PIK3R3: variants seen among roughly 807,000 people sequenced by gnomAD.
PIK3R3 encodes phosphoinositide-3-kinase regulatory subunit 3.
A neutral mutation model predicts 62.9 loss-of-function variants in PIK3R3; 64 were observed. The observed-to-expected ratio is 1.02, with a 90% confidence interval of 0.83 to 1.25. The LOEUF is 1.25. Among genes scored for constraint, PIK3R3 ranks in the 50% most tolerant of loss-of-function variants. The probability of loss-of-function intolerance (pLI) is 0.00; values close to 1 mark genes in which losing one functional copy is unlikely to be tolerated. For synonymous variants in PIK3R3, 165 were observed against 189.0 expected (o/e 0.87, Z 1.04); for missense variants, 614 against 561.6 (o/e 1.09, Z -0.94).
intron 1 of PIK3R3, among the ~76,000 whole-genome samples, chr1:46,126,173 G>A (rs1655079302): frequency 6.6e-6 from 1 of 151,988 alleles, no homozygotes; most frequent in Admixed American, 6.6e-5. Context: ...AACTGTACAG[G>A]GGTGTTTTCC....
At chr1:46,099,711 C>T (rs747862437) in intron 1 of PIK3R3, among the ~76,000 whole-genome samples, 18 of 152,122 alleles carry the variant, frequency 1.2e-4, no homozygotes, top group East Asian at 1.9e-4. Flanking sequence ...ATGAACTTAA[C>T]GGTACTTGTC....
chr1:46,132,927 G>A (rs537084625), upstream of PIK3R3: 8 of 1,165,774 alleles, frequency 6.9e-6, no homozygotes, highest in South Asian at 3.2e-5. Context: ...GGTACGATCC[G>A]GGCGCTGGCC....
chr1:46,165,538 T>TC, the PIK3R3 span, among the ~76,000 whole-genome samples: 1 of 151,634 alleles, frequency 6.6e-6, no homozygotes, highest in African/African-American at 2.4e-5. Context: ...ACTCCCGACC[T>TC]CAGATGATCC....
upstream of PIK3R3, among the ~76,000 whole-genome samples, chr1:46,135,987 G>A (rs1357285986): frequency 3.1e-5 from 4 of 131,088 alleles, no homozygotes; most frequent in African/African-American, 8.9e-5. Flanking sequence ...CCGACATCAC[G>A]CCATTGCACT....
intron 6 of PIK3R3, among the ~76,000 whole-genome samples, chr1:46,057,894 T>A (rs1245192852): frequency 6.6e-6 from 1 of 152,182 alleles, no homozygotes; most frequent in Non-Finnish European, 1.5e-5. Flanking sequence ...CTGCAGAAAT[T>A]TGCATAAGTA....
intron 6 of PIK3R3, 106 bp downstream of exon 6, chr1:46,061,823 T>A: frequency 1.0e-6 from 1 of 1,003,654 alleles, no homozygotes; most frequent in East Asian, 2.4e-5. Flanking sequence ...GTTCCAATAG[T>A]AGGGCTGTGC....
the PIK3R3 span, among the ~76,000 whole-genome samples, chr1:46,155,758 A>G: frequency 6.6e-6 from 1 of 152,150 alleles, no homozygotes; most frequent in African/African-American, 2.4e-5. Context: ...CACCATGCCC[A>G]GCCTAATTTT....
rs1655639127 is a variant in PIK3R3, at chr1:46,131,906, C to T, written c.47G>A (p.Arg16Lys). 6.2e-7 allele frequency: 1 copy of T among 1,613,714 alleles called. No homozygotes were observed. The highest frequency in any genetic ancestry group is 1.3e-5 in the African/African-American group (1 of 74,884). Residue 16 changes from arginine to lysine, a missense_variant, in exon 1 of 10, where the codon AGG becomes AAG. Transcript: ENST00000262741. Reference sequence around the variant, plus strand: ...TGTCGAATAGGGCATCATCACCTCCCTCCAGTCTGCGTCATCGCGGTCCAT... The same window carrying T: ...TGTCGAATAGGGCATCATCACCTCCTTCCAGTCTGCGTCATCGCGGTCCAT... ...WSMDRDDADW[R>K]EVMMPYSTEL...
At chr1:46,093,918 A>C (rs1336935353) in intron 1 of PIK3R3, among the ~76,000 whole-genome samples, 1 of 151,582 alleles carries the variant, frequency 6.6e-6, no homozygotes, top group Non-Finnish European at 1.5e-5. Flanking sequence ...AAAATACAGC[A>C]ATCAGCCGGG....
chr1:46,086,921 C>T (rs1382153509), intron 1 of PIK3R3, among the ~76,000 whole-genome samples: 2 of 152,164 alleles, frequency 1.3e-5, no homozygotes, highest in Non-Finnish European at 2.9e-5. Flanking sequence ...CCTGTCAACT[C>T]ACCAGTCCAG....
chr1:46,112,684 C>T (rs1453972837), intron 1 of PIK3R3, among the ~76,000 whole-genome samples: 1 of 152,098 alleles, frequency 6.6e-6, no homozygotes, highest in East Asian at 1.9e-4. Flanking sequence ...TGATCTCTCC[C>T]CCACCCTACG....
Position 46,046,404 on chromosome 1 carries a change from C to G in PIK3R3, c.1016+147G>C, listed in dbSNP as rs41285908. ...AACTCCAGTGCCTATAGGGTACCTT[C>G]AGGCAATTCAATTCAAAAGATAGTC... On this transcript the variant is annotated intron_variant, in intron 8 of 9. Coordinates refer to ENST00000262741, the MANE Select transcript of PIK3R3 (RefSeq NM_003629.4). 522 of 647,910 alleles carry G rather than the reference C, an allele frequency of 8.1e-4. 2 individuals carry two copies. The highest frequency in any genetic ancestry group is 1.1e-3 in the Non-Finnish European group (402 of 369,242). The allele number at this position is 647,910 out of a possible 1,614,324, so 40.1% of individuals were successfully genotyped here.
At chr1:46,046,858 T>C (rs1419231441) in intron 7 of PIK3R3, 23 of 548,434 alleles carry the variant, frequency 4.2e-5, no homozygotes, top group Admixed American at 1.7e-4. Flanking sequence ...TACTTGAAAT[T>C]AGGCCCTTCA....
Position 46,127,726 on chromosome 1 carries a change from TTTG to T in PIK3R3, c.106+4118_106+4120del, listed in dbSNP as rs372441243. Among the ~76,000 whole-genome samples, 89 of 152,272 alleles carry T rather than the reference TTTG, an allele frequency of 5.8e-4. No homozygotes were observed. The East Asian group carries it at 0.013, about 23-fold the overall frequency. ...ATCTTAACATTTCTACAATAAAAGT[TTTG>T]TTGTTGTTGTTTTTTGTAGAAATGG... On this transcript the variant is annotated intron_variant, in intron 1 of 9. Coordinates refer to ENST00000262741, the MANE Select transcript of PIK3R3 (RefSeq NM_003629.4).
intron 3 of PIK3R3, among the ~76,000 whole-genome samples, chr1:46,068,390 A>T (rs1414994510): frequency 6.6e-6 from 1 of 152,224 alleles, no homozygotes; most frequent in Non-Finnish European, 1.5e-5. Context: ...GCTCTCATGG[A>T]GCTTCCAGTT....
intron 1 of PIK3R3, among the ~76,000 whole-genome samples, chr1:46,092,402 C>T (rs529293642): frequency 1.3e-5 from 2 of 152,292 alleles, no homozygotes; most frequent in South Asian, 2.1e-4. Flanking sequence ...CTCGCTCTGT[C>T]GCCCAGGCTG....
intron 5 of PIK3R3, among the ~76,000 whole-genome samples, chr1:46,065,282 A>G (rs1015750277): frequency 1.3e-5 from 2 of 152,228 alleles, no homozygotes; most frequent in Non-Finnish European, 2.9e-5. Context: ...TCTAAAAAGT[A>G]GTCAGGCCTA....
At chr1:46,114,020 A>C (rs1016142271) in intron 1 of PIK3R3, among the ~76,000 whole-genome samples, 1 of 152,228 alleles carries the variant, frequency 6.6e-6, no homozygotes, top group Non-Finnish European at 1.5e-5. Flanking sequence ...TCATAATTAC[A>C]GTCTGAGCTT....
At chr1:46,074,060 C>T (rs1331116537) in intron 3 of PIK3R3, among the ~76,000 whole-genome samples, 4 of 144,848 alleles carry the variant, frequency 2.8e-5, no homozygotes, top group Admixed American at 2.1e-4. Context: ...GAGGCCGAGG[C>T]GGGCGGATCA....
Sources: allele counts gnomAD v4.1 joint callset (sites outside exome capture counted in the v4.1 genomes callset), GRCh38; gene constraint gnomAD v4.1.1; transcripts MANE v1.5; gene names NCBI Gene and HGNC (gene_info 2026-07-23, HGNC 2026-07-21).